Variants in CPM observed in about 807,000 individuals in gnomAD.
CPM encodes renal carboxypeptidase.
In CPM, 35 loss-of-function variants were observed where a neutral mutation model predicts 46.4. That is an observed-to-expected ratio of 0.75 (90% confidence interval 0.58 to 1.00). The LOEUF is 1.00. Among genes scored for constraint, CPM ranks in the 50% least tolerant of loss-of-function variants. The pLI is 0.00. For synonymous variants in CPM, 195 were observed against 195.3 expected, an observed-to-expected ratio of 1.00 and a Z score of 0.01; for missense variants, 422 against 530.4, an observed-to-expected ratio of 0.80 and a Z score of 2.01.
At chr12:68,945,880 TCTCA>T (rs1373747274) in intron 1 of CPM, among the ~76,000 whole-genome samples, 1 of 142,678 alleles carries the variant, frequency 7.0e-6, no homozygotes, top group Non-Finnish European at 1.5e-5. Flanking sequence ...TGAGACAGTG[TCTCA>T]CTCTGTTGCC....
chr12:68,931,353 A>G (rs1888490771), intron 2 of CPM, among the ~76,000 whole-genome samples: 1 of 152,298 alleles, frequency 6.6e-6, no homozygotes, highest in Admixed American at 6.5e-5. Context: ...AAAAGTTGAG[A>G]TCCAAATTGC....
At chr12:68,894,680 T>G (rs1031324711) in intron 2 of CPM, among the ~76,000 whole-genome samples, 17 of 152,184 alleles carry the variant, frequency 1.1e-4, no homozygotes, top group Non-Finnish European at 2.5e-4. Context: ...TCAGAATATT[T>G]CTATAAAGTG....
At chr12:68,897,729 T>G (rs920216629) in intron 2 of CPM, among the ~76,000 whole-genome samples, 2 of 111,246 alleles carry the variant, frequency 1.8e-5, no homozygotes, top group African/African-American at 7.2e-5. Flanking sequence ...AGAGCGAGAC[T>G]CCGTTTCAAA....
At chr12:68,909,550 A>G (rs917048140) in intron 2 of CPM, among the ~76,000 whole-genome samples, 3 of 152,142 alleles carry the variant, frequency 2.0e-5, no homozygotes, top group Non-Finnish European at 2.9e-5. Context: ...TGTTTATTGC[A>G]GCACTATTCA....
At chr12:68,883,466 G>A (rs1886284793) in intron 3 of CPM, among the ~76,000 whole-genome samples, 1 of 152,104 alleles carries the variant, frequency 6.6e-6, no homozygotes, top group Non-Finnish European at 1.5e-5. Flanking sequence ...CACGAGCTGG[G>A]TCACATAAGG....
chr12:68,875,850 T>A (rs1231585788), intron 3 of CPM, among the ~76,000 whole-genome samples: 6 of 152,110 alleles, frequency 3.9e-5, no homozygotes, highest in African/African-American at 7.2e-5. Context: ...AATTTCTTAT[T>A]TTGAGAAAGC....
chr12:68,855,989 C>T lies in CPM; in HGVS notation c.*448G>A, dbSNP rs151329296. The stretch of plus-strand genomic sequence containing the variant: ...CAGGGTGATCCGCCCACCTTGGCCT[C>T]CCAAAGTGCTGGGATTACAAGGTGT... On this transcript the variant is annotated 3_prime_UTR_variant, in exon 9 of 9. Transcript: ENST00000551568. The T allele has an allele frequency of 0.01, 1,694 of 163,166 alleles. 26 individuals are homozygous for T. Among genetic ancestry groups the T allele is most frequent in the African/African-American group, 0.038 (1,584 of 41,726 alleles). 10.1% of individuals were successfully genotyped at this position (163,166 alleles called of 1,614,324 possible).
chr12:68,943,493 T>A (rs1450141570), intron 1 of CPM, among the ~76,000 whole-genome samples: 1 of 152,192 alleles, frequency 6.6e-6, no homozygotes, highest in Admixed American at 6.5e-5. Context: ...CCCAGCTCCT[T>A]CCAACATATT....
At chr12:68,883,881 G>C (rs994803051) in intron 3 of CPM, among the ~76,000 whole-genome samples, 1 of 151,008 alleles carries the variant, frequency 6.6e-6, no homozygotes, top group African/African-American at 2.4e-5. Context: ...GATCACCTGA[G>C]GTCAGGGGTT....
intron 3 of CPM, among the ~76,000 whole-genome samples, chr12:68,878,379 G>T (rs1886047050): frequency 6.6e-6 from 1 of 152,150 alleles, no homozygotes; most frequent in East Asian, 1.9e-4. Flanking sequence ...AAGATTCCAA[G>T]CCTCCCCAAT....
chr12:68,894,016 G>T (rs1886763812), intron 2 of CPM, among the ~76,000 whole-genome samples: 1 of 152,038 alleles, frequency 6.6e-6, no homozygotes, highest in African/African-American at 2.4e-5. Flanking sequence ...AGGGTGTGGA[G>T]CGCTGGTTGT....
intron 1 of CPM, among the ~76,000 whole-genome samples, chr12:68,951,635 G>T (rs1394910739): frequency 1.3e-5 from 2 of 152,160 alleles, no homozygotes. Context: ...GGTTCATATT[G>T]CAGATGCCAA....
intron 3 of CPM, among the ~76,000 whole-genome samples, chr12:68,882,589 G>C (rs911108212): frequency 6.6e-6 from 1 of 152,174 alleles, no homozygotes; most frequent in Non-Finnish European, 1.5e-5. Flanking sequence ...TATTGGGATT[G>C]CTGGGTTGAA....
chr12:68,843,944 C>T (rs1037342720), intron 5 of CPM: 3 of 210,380 alleles, frequency 1.4e-5, no homozygotes, highest in African/African-American at 6.8e-5. Context: ...GTCCTCAAAG[C>T]ATTATTGGAG....
At chr12:68,923,340 C>A (rs1332149821) in intron 2 of CPM, among the ~76,000 whole-genome samples, 1 of 152,076 alleles carries the variant, frequency 6.6e-6, no homozygotes, top group Non-Finnish European at 1.5e-5. Flanking sequence ...GGACTAATGG[C>A]AGTTATCACA....
chr12:68,930,943 T>C (rs1234580925), intron 2 of CPM, among the ~76,000 whole-genome samples: 4 of 152,260 alleles, frequency 2.6e-5, no homozygotes, highest in African/African-American at 4.8e-5. Flanking sequence ...TTGTGTTCTA[T>C]ATATTTTTAA....
intron 3 of CPM, among the ~76,000 whole-genome samples, chr12:68,877,074 G>T (rs781380479): frequency 1.3e-5 from 2 of 152,158 alleles, no homozygotes; most frequent in Non-Finnish European, 2.9e-5. Flanking sequence ...TGTCTGACCT[G>T]CCTAGCTAAT....
intron 1 of CPM, among the ~76,000 whole-genome samples, chr12:68,945,855 T>C (rs182002783): frequency 9.6e-4 from 132 of 137,956 alleles, no homozygotes; most frequent in South Asian, 2.0e-3. Flanking sequence ...TCTTTTTTTT[T>C]TTTTTTTTTT....
At chr12:68,885,728 A>G (rs1039418968) in intron 3 of CPM, 64 bp downstream of exon 3, 13 of 1,309,208 alleles carry the variant, frequency 9.9e-6, no homozygotes, top group Non-Finnish European at 1.4e-5. Flanking sequence ...ATTTATACAG[A>G]GCTCAAGAGA....
Sources: gnomAD v4.1 joint callset for allele counts (sites outside exome capture counted in the v4.1 genomes callset) on GRCh38, gnomAD v4.1.1 for gene constraint, MANE v1.5 for transcripts, NCBI Gene and HGNC (gene_info 2026-07-23, HGNC 2026-07-21) for gene names.